The following ZNF48 variants were observed in gnomAD, a reference collection of about 807,000 sequenced individuals.
The protein encoded by ZNF48 is zinc finger protein 553.
Under a neutral mutation model 40.0 loss-of-function variants are expected in ZNF48, and 20 were observed. The ratio of observed to expected loss-of-function variants is 0.50; its 90% CI spans 0.35 to 0.73. The LOEUF (loss-of-function observed/expected upper bound fraction) is 0.73, where lower values mean the gene tolerates loss of function less well. ZNF48 is among the 30% of genes least tolerant of loss of function. ZNF48 has a pLI of 0.01. For synonymous variants in ZNF48, 298 were observed against 329.7 expected, an observed-to-expected ratio of 0.90 and a Z score of 1.04; for missense variants, 726 against 851.9, an observed-to-expected ratio of 0.85 and a Z score of 1.84.
In ZNF48 at chr16:30,398,688, C is replaced by T. The variant is rs370597461; in HGVS notation, c.1438C>T (p.Leu480Phe). Residue 480 changes from leucine (L) to phenylalanine (F), a missense_variant, in exon 3 of 3, where the codon CTC becomes TTC. Leu to Phe is a conservative substitution (Grantham distance 22). Transcript: ENST00000613509. This position sits in a 1 kb window ranked among gnomAD's most constrained non-coding sequence, Gnocchi z 6.6. ...HRVHTGEKPY[L>F]CPECGKGFAD... The stretch of plus-strand genomic sequence containing the variant: ...TGTGCACACAGGGGAGAAACCCTAC[C>T]TCTGTCCTGAATGCGGCAAGGGTTT... The T allele has an allele frequency of 6.2e-7, 1 of 1,613,696 alleles. No individual in the cohort carries two copies. The highest frequency in any genetic ancestry group is 8.5e-7 in the Non-Finnish European group (1 of 1,179,918).
At chr16:30,389,446 G>A (rs561632651) in intron 1 of ZNF48, among the ~76,000 whole-genome samples, 17 of 149,710 alleles carry the variant, frequency 1.1e-4, no homozygotes, top group African/African-American at 3.0e-4. Flanking sequence ...GGTGGTGCGC[G>A]CCTGTAATCC....
Position 30,398,592 on chromosome 16 carries a change from G to T in ZNF48, c.1342G>T (p.Asp448Tyr). The change falls in exon 3 of 3, where the codon GAC becomes TAC. Residue 448 changes from aspartate (D) to tyrosine (Y), a missense_variant. Physicochemically the swap from Asp to Tyr is radical, Grantham distance 160. Transcript: ENST00000613509. The surrounding 1 kb of genome is among the most constrained non-coding windows in gnomAD (Gnocchi z 6.6). The part of the protein sequence containing the change: ...AGEPPPPLAG[D>Y]KPHKCPECGK... ...GGAGCCACCCCCACCACTGGCGGGC[G>T]ACAAGCCCCACAAGTGCCCTGAGTG... 1.2e-6 allele frequency: 2 copies of T among 1,612,060 alleles called. No homozygotes were observed. The highest frequency in any genetic ancestry group is 8.5e-7 in the Non-Finnish European group (1 of 1,179,810).
At chr16:30,379,201 C>T (rs1567423231) in intron 1 of ZNF48, 2 of 1,613,206 alleles carry the variant, frequency 1.2e-6, no homozygotes, top group South Asian at 1.1e-5. Context: ...GGGGGCGGCG[C>T]GGACCAGCGA....
upstream of ZNF48, chr16:30,394,447 G>GAA (rs1183120786): frequency 6.6e-6 from 1 of 152,298 alleles, no homozygotes; most frequent in East Asian, 1.9e-4. Flanking sequence ...TAGGGCCTGG[G>GAA]AACCTGGAAA....
rs34518080 is a variant in ZNF48 at position 30,381,826 on chromosome 16, C to G, written c.-16+3416C>G. ...CACAAGGGTCAGCTTCACTTTCACA[C>G]CCCCTTCCTCAATCTCTACGCCCCG... is the stretch of plus-strand genomic sequence containing the variant. On this transcript the variant is annotated intron_variant, in intron 1 of 2. Coordinates refer to the ZNF48 transcript ENST00000528032. This position sits in a 1 kb window ranked among gnomAD's most constrained non-coding sequence, Gnocchi z 4.3. 41 of 1,614,064 alleles carry G rather than the reference C, an allele frequency of 2.5e-5. No individual in the cohort carries two copies. The highest frequency in any genetic ancestry group is 3.3e-5 in the Non-Finnish European group (39 of 1,180,038).
In ZNF48 at chr16:30,395,929, A is replaced by G; in HGVS notation, c.79+56A>G. ...CAGGTAACGGCCGGTGGGGACTGCG[A>G]TGCTTGGCTGTGGCCGGCCGAGATC... On this transcript the variant is annotated intron_variant, in intron 2 of 2. Transcript: ENST00000613509. The surrounding 1 kb of genome is among the most constrained non-coding windows in gnomAD (Gnocchi z 5.9). 1 of 1,437,200 alleles carries G rather than the reference A, an allele frequency of 7.0e-7. No individual in the cohort carries two copies. Among genetic ancestry groups the G allele is most frequent in the African/African-American group, 1.4e-5 (1 of 69,694 alleles). 89.0% of individuals were successfully genotyped at this position (1,437,200 alleles called of 1,614,324 possible).
Position 30,399,777 on chromosome 16 carries a change from G to C in ZNF48, c.*670G>C, listed in dbSNP as rs1487514290. On this transcript the variant is annotated 3_prime_UTR_variant, in exon 3 of 3. Coordinates refer to ENST00000613509, the MANE Select transcript of ZNF48 (RefSeq NM_001214909.2). ...CCCAGACCTTTGTGCCCTGGAGGGA[G>C]CCAACCCACCCTGACACGGAGACAC... 1.3e-5 allele frequency: 2 copies of C among 152,480 alleles called. No homozygotes were observed. Among genetic ancestry groups the C allele is most frequent in the Non-Finnish European group, 2.9e-5 (2 of 68,240 alleles). 9.4% of individuals were successfully genotyped at this position (152,480 alleles called of 1,614,324 possible).
upstream of ZNF48, among the ~76,000 whole-genome samples, chr16:30,390,825 C>T (rs937290401): frequency 6.6e-6 from 1 of 151,324 alleles, no homozygotes; most frequent in African/African-American, 2.4e-5. Context: ...GGGGTTTCAC[C>T]GTGTTAGCCA....
At chr16:30,395,359 G>T (rs564032021), upstream of ZNF48, 15 of 451,800 alleles carry the variant, frequency 3.3e-5, 1 homozygote, top group Middle Eastern at 4.6e-4. This position sits in a 1 kb window ranked among gnomAD's most constrained non-coding sequence, Gnocchi z 5.9. Flanking sequence ...ACCCCCACAG[G>T]CCCGCAGCTC....
intron 1 of ZNF48, among the ~76,000 whole-genome samples, chr16:30,389,056 C>T (rs926785327): frequency 6.6e-6 from 1 of 151,802 alleles, no homozygotes; most frequent in Non-Finnish European, 1.5e-5. Context: ...ATCAGGAGTT[C>T]GAGACTAGCC....
chr16:30,390,633 T>G (rs2049935672), upstream of ZNF48, among the ~76,000 whole-genome samples: 1 of 121,002 alleles, frequency 8.3e-6, no homozygotes, highest in Non-Finnish European at 1.8e-5. Flanking sequence ...TTTTTTTTTT[T>G]TTTTTTGAGA....
exon 1 of ZNF48, chr16:30,378,373 G>A: frequency 6.9e-7 from 1 of 1,444,790 alleles, no homozygotes; most frequent in Non-Finnish European, 9.2e-7. Context: ...TGTGGGGCGC[G>A]GGGATTGGAC....
chr16:30,397,541 C>G lies in ZNF48; in HGVS notation c.291C>G (p.Leu97=). 1 of 1,614,120 alleles carries G rather than the reference C, an allele frequency of 6.2e-7. No individual in the cohort carries two copies. Among genetic ancestry groups the G allele is most frequent in the Non-Finnish European group, 8.5e-7 (1 of 1,180,030 alleles). Residue 97 remains leucine, a synonymous_variant, in exon 3 of 3, where the codon CTC becomes CTG. Coordinates refer to ENST00000613509, the MANE Select transcript of ZNF48 (RefSeq NM_001214909.2). This position sits in a 1 kb window ranked among gnomAD's most constrained non-coding sequence, Gnocchi z 4.1. ...KPQPRDRGPR[L]LGEPRWGQAS... The stretch of plus-strand genomic sequence containing the variant: ...AGCCTCGGGACAGAGGCCCCCGGCT[C>G]CTGGGTGAACCACGCTGGGGCCAGG...
upstream of ZNF48, among the ~76,000 whole-genome samples, chr16:30,393,647 A>C (rs992005623): frequency 1.3e-5 from 2 of 152,012 alleles, no homozygotes; most frequent in Non-Finnish European, 2.9e-5. Context: ...GGCCTCCCAA[A>C]GTGTTGGGAT....
At chr16:30,393,637 G>A (rs566432387), upstream of ZNF48, among the ~76,000 whole-genome samples, 3 of 152,020 alleles carry the variant, frequency 2.0e-5, no homozygotes, top group East Asian at 5.8e-4. Context: ...CACCTGCCTC[G>A]GCCTCCCAAA....
At position 30,381,143 on chromosome 16, in the gene ZNF48, T is replaced by G; in HGVS notation, c.-16+2733T>G. 1 of 1,613,758 alleles carries G rather than the reference T, an allele frequency of 6.2e-7. No individual in the cohort carries two copies. Among genetic ancestry groups the G allele is most frequent in the Middle Eastern group, 1.7e-4 (1 of 6,060 alleles). Reference sequence around the variant, plus strand: ...CACTCACACCTTCTGCTTGAGGGCCTGGGTTTCCTGGGGCATCAGAGCATC... The same window carrying G: ...CACTCACACCTTCTGCTTGAGGGCCGGGGTTTCCTGGGGCATCAGAGCATC... On this transcript the variant is annotated intron_variant, in intron 1 of 2. Transcript: ENST00000528032. The surrounding 1 kb of genome is among the most constrained non-coding windows in gnomAD (Gnocchi z 4.3).
chr16:30,389,834 T>A lies in ZNF48; in HGVS notation c.-15-5946T>A, dbSNP rs2049929144. 2.5e-5 allele frequency among the ~76,000 whole-genome samples: 3 copies of A among 121,650 alleles called. No individual in the cohort carries two copies. The South Asian group carries it at 8.5e-4, about 35-fold the overall frequency. The allele number at this position is 121,650 out of a possible 152,430, so 79.8% of individuals were successfully genotyped here. A position where few individuals can be genotyped will look rare whatever the true frequency, so the allele number is the denominator to read the frequency against. On this transcript the variant is annotated intron_variant, in intron 1 of 2. Coordinates refer to the ZNF48 transcript ENST00000528032. ...TGGATTAGTTTTTTTTTTTTTTTTT[T>A]TTTTTTTTTTTTTTTTTTTAGAAAC...
upstream of ZNF48, among the ~76,000 whole-genome samples, chr16:30,391,030 C>T (rs919882977): frequency 3.9e-5 from 6 of 152,192 alleles, no homozygotes; most frequent in South Asian, 1.2e-3. Flanking sequence ...TGAGCCACTG[C>T]GCCCGGCCGA....
Position 30,382,896 on chromosome 16 carries a change from G to C in ZNF48, c.-16+4486G>C, listed in dbSNP as rs568418692. The C allele has an allele frequency of 4.9e-6, 5 of 1,022,992 alleles. No individual in the cohort carries two copies. The highest frequency in any genetic ancestry group is 1.6e-5 in the African/African-American group (1 of 63,266). The allele number at this position is 1,022,992 out of a possible 1,614,324, so 63.4% of individuals were successfully genotyped here. A position where few individuals can be genotyped will look rare whatever the true frequency, so the allele number is the denominator to read the frequency against. The stretch of plus-strand genomic sequence containing the variant: ...CTGATTAGAAAACAGTTCCCAGGAC[G>C]GGCAAGGTGGCTCTCGCCTGTAATC... On this transcript the variant is annotated intron_variant, in intron 1 of 2. Transcript: ENST00000528032. This position sits in a 1 kb window ranked among gnomAD's most constrained non-coding sequence, Gnocchi z 4.8.
Sources: gnomAD v4.1 joint callset for allele counts (sites outside exome capture counted in the v4.1 genomes callset) on GRCh38, gnomAD v4.1.1 for gene constraint, Gnocchi (gnomAD v3.1) non-coding constraint, MANE v1.5 for transcripts, NCBI Gene and HGNC (gene_info 2026-07-23, HGNC 2026-07-21) for gene names.